The following USP24 variants were observed in gnomAD, a reference collection of about 807,000 sequenced individuals.
The protein encoded by USP24 is ubiquitin specific peptidase 24, also known as ubiquitin carboxyl-terminal hydrolase 24.
In USP24, 97 loss-of-function variants were observed where a neutral mutation model predicts 361.6. That is an observed-to-expected ratio of 0.27 (90% CI 0.23 to 0.32). The LOEUF is 0.32. Among genes scored for constraint, USP24 ranks in the 10% least tolerant of loss-of-function variants. The pLI is 1.00. For missense variants in USP24, 2,353 were observed against 3,165.6 expected (o/e 0.74, Z 6.16); for synonymous variants, 1,098 against 1,124.6 (o/e 0.98, Z 0.47).
intron 16 of USP24, among the ~76,000 whole-genome samples, chr1:55,150,250 G>A (rs1249574995): frequency 6.6e-6 from 1 of 152,136 alleles, no homozygotes; most frequent in Non-Finnish European, 1.5e-5. Context: ...GTGCTCCCAT[G>A]AAGTTGTTCA....
intron 1 of USP24, among the ~76,000 whole-genome samples, chr1:55,186,104 T>A (rs1398448474): frequency 6.6e-6 from 1 of 152,132 alleles, no homozygotes. Flanking sequence ...GCATCACCAG[T>A]GAATTATACA....
At chr1:55,098,249 A>T (rs1645542055) in intron 46 of USP24, among the ~76,000 whole-genome samples, 165 bp from the exon 47 acceptor site, 1 of 152,256 alleles carries the variant, frequency 6.6e-6, no homozygotes, top group African/African-American at 2.4e-5. Flanking sequence ...GACAATTAAG[A>T]ATTGCCTAAA....
chr1:55,171,573 C>G lies in USP24; in HGVS notation c.808G>C (p.Val270Leu). The G allele has an allele frequency of 1.2e-6, 2 of 1,610,706 alleles. No homozygotes were observed. The highest frequency in any genetic ancestry group is 1.7e-6 in the Non-Finnish European group (2 of 1,178,288). The change falls in exon 5 of 68, where the codon GTA (valine) becomes CTA (leucine). Residue 270 changes from valine (V) to leucine (L), a missense_variant. Coordinates refer to ENST00000294383, the MANE Select transcript of USP24 (RefSeq NM_015306.3). ...GEGNMFAVSPVSTFQKEPHGW... is the reference protein window; with the variant it reads ...GEGNMFAVSPLSTFQKEPHGW... Reference sequence around the variant, plus strand: ...ATGTTTACCTTTTGGAAAGTCGATACAGGTGAAACAGCAAACATATTTCCC... The same window carrying G: ...ATGTTTACCTTTTGGAAAGTCGATAGAGGTGAAACAGCAAACATATTTCCC...
intron 5 of USP24, among the ~76,000 whole-genome samples, chr1:55,167,189 A>G (rs1374786283): frequency 6.6e-6 from 1 of 152,180 alleles, no homozygotes; most frequent in Non-Finnish European, 1.5e-5. Flanking sequence ...AAATTGTGCT[A>G]AGTCCCACGA....
At position 55,214,925 on chromosome 1, in the gene USP24, G is replaced by A; in HGVS notation, c.189C>T (p.Ser63=). The A allele has an allele frequency of 2.9e-6, 4 of 1,360,794 alleles. No individual in the cohort carries two copies. The highest frequency in any genetic ancestry group is 1.6e-5 in the South Asian group (1 of 61,816). The allele number at this position is 1,360,794 out of a possible 1,614,324, so 84.3% of individuals were successfully genotyped here. A position where few individuals can be genotyped will look rare whatever the true frequency, so the allele number is the denominator to read the frequency against. Residue 63 remains serine (S), a synonymous_variant, in exon 1 of 68, where the codon AGC becomes AGT. Transcript: ENST00000294383. ...YEPMDSGGGP[S]PGPGGGPRGD... ...CCCGCGGGCCCCCGCCGGGCCCGGG[G>A]CTGGGGCCACCGCCGCTGTCCATGG...
chr1:55,199,622 T>TGA lies in USP24; in HGVS notation c.324+15166_324+15167dup, dbSNP rs1409664880. On this transcript the variant is annotated intron_variant, in intron 1 of 67. Transcript: ENST00000294383. Reference sequence around the variant, plus strand: ...GTGTGTGTGTGTGTGTGTGTGTGTGTGAGAGAGAGAGAGACAGACAGAGAG... The same window carrying TGA: ...GTGTGTGTGTGTGTGTGTGTGTGTGTGAGAGAGAGAGAGAGACAGACAGAGAG... 6.3e-5 allele frequency among the ~76,000 whole-genome samples: 7 copies of TGA among 111,486 alleles called. 1 individual carries two copies. Among genetic ancestry groups the TGA allele is most frequent in the Admixed American group, 9.9e-5 (1 of 10,054 alleles). The allele number at this position is 111,486 out of a possible 152,430, so 73.1% of individuals were successfully genotyped here.
intron 38 of USP24, among the ~76,000 whole-genome samples, chr1:55,118,080 G>A (rs1039423510): frequency 1.2e-4 from 18 of 152,148 alleles, no homozygotes; most frequent in Non-Finnish European, 2.6e-4. Flanking sequence ...CAGGTTCAAT[G>A]AAATCTCTAT....
chr1:55,184,358 G>T (rs1399650589), intron 1 of USP24, among the ~76,000 whole-genome samples: 1 of 152,042 alleles, frequency 6.6e-6, no homozygotes, highest in African/African-American at 2.4e-5. Flanking sequence ...CACCCAGCCA[G>T]GAAAGGTTAT....
rs540299207 is a variant in USP24 at position 55,089,339 on chromosome 1, C to T, written c.6668+288G>A. On this transcript the variant is annotated intron_variant, in intron 55 of 67. Coordinates refer to ENST00000294383, the MANE Select transcript of USP24 (RefSeq NM_015306.3). Reference sequence around the variant, plus strand: ...CCGAGTCCCTGAGGGAAGAGACTTGCGTCTCTGACCCCCTTTGAACCATAG... The same window carrying T: ...CCGAGTCCCTGAGGGAAGAGACTTGTGTCTCTGACCCCCTTTGAACCATAG... Among the ~76,000 whole-genome samples, 7 of 152,248 alleles carry T rather than the reference C, an allele frequency of 4.6e-5. No homozygotes were observed. In the East Asian group the frequency reaches 7.7e-4, roughly 17 times the overall value.
intron 5 of USP24, among the ~76,000 whole-genome samples, chr1:55,169,602 GA>G (rs1294616739): frequency 6.6e-6 from 1 of 152,054 alleles, no homozygotes; most frequent in East Asian, 1.9e-4. Flanking sequence ...TCTAATAGAA[GA>G]ACCACAGTCA....
intron 10 of USP24, among the ~76,000 whole-genome samples, chr1:55,157,811 G>A (rs1570570817): frequency 6.7e-6 from 1 of 150,254 alleles, no homozygotes; most frequent in African/African-American, 2.5e-5. Flanking sequence ...TCCAGCCTGG[G>A]TGACAGAGCG....
chr1:55,069,459 C>T (rs1277419866), intron 67 of USP24, among the ~76,000 whole-genome samples: 1 of 152,246 alleles, frequency 6.6e-6, no homozygotes, highest in African/African-American at 2.4e-5. Flanking sequence ...CCCTGCCCTG[C>T]ACCTGCCAAA....
chr1:55,091,038 T>C (rs895050492), intron 54 of USP24, among the ~76,000 whole-genome samples: 2 of 152,080 alleles, frequency 1.3e-5, no homozygotes, highest in Non-Finnish European at 2.9e-5. Context: ...GAGCCAAGAC[T>C]GCACCACTGC....
intron 55 of USP24, among the ~76,000 whole-genome samples, chr1:55,087,213 A>C (rs1221335217): frequency 6.6e-6 from 1 of 152,234 alleles, no homozygotes; most frequent in Non-Finnish European, 1.5e-5. Context: ...TTAATTCTTC[A>C]AACACGAAAT....
rs532874697 is a variant in USP24 at position 55,088,887 on chromosome 1, A to G, written c.6668+740T>C. ...TTTTTTAAATTTCAGGTACCTAGGT[A>G]GATGTACTATCATAGGTAATATACT... On this transcript the variant is annotated intron_variant, in intron 55 of 67. Transcript: ENST00000294383. 1.1e-4 allele frequency among the ~76,000 whole-genome samples: 17 copies of G among 152,224 alleles called. No individual in the cohort carries two copies. In the East Asian group the frequency reaches 1.2e-3, roughly 10 times the overall value.
At chr1:55,075,650 A>C (rs1170216565) in intron 62 of USP24, 127 bp from the exon 63 acceptor site, 4 of 501,652 alleles carry the variant, frequency 8.0e-6, no homozygotes, top group Non-Finnish European at 1.3e-5. Flanking sequence ...AACAACAACA[A>C]CAACAACAAC....
intron 51 of USP24, among the ~76,000 whole-genome samples, chr1:55,094,460 T>A (rs892876121): frequency 2.0e-5 from 3 of 152,122 alleles, no homozygotes; most frequent in African/African-American, 7.2e-5. Context: ...AATAAACTTA[T>A]CTTAGAGCCA....
At chr1:55,152,834 G>A (rs1488138346) in intron 16 of USP24, among the ~76,000 whole-genome samples, 2 of 152,018 alleles carry the variant, frequency 1.3e-5, no homozygotes, top group Non-Finnish European at 2.9e-5. Context: ...GTTCTTCAAT[G>A]CCCCCAACTA....
chr1:55,072,762 T>C (rs1327597957), intron 65 of USP24, 24 bp downstream of exon 65: 3 of 1,571,702 alleles, frequency 1.9e-6, no homozygotes, highest in Non-Finnish European at 1.7e-6. Context: ...ATGTTACAGC[T>C]AGAAAAATTC....
Sources: gnomAD v4.1 joint callset for allele counts (sites outside exome capture counted in the v4.1 genomes callset) on GRCh38, gnomAD v4.1.1 for gene constraint, MANE v1.5 for transcripts, NCBI Gene and HGNC (gene_info 2026-07-23, HGNC 2026-07-21) for gene names.